The following KISS1R variants were observed in gnomAD, a reference collection of about 807,000 sequenced individuals.
KISS1R encodes kiSS-1 receptor.
Under a neutral mutation model 22.0 loss-of-function variants are expected in KISS1R, and 19 were observed. The observed-to-expected ratio is 0.86, with a 90% CI of 0.60 to 1.26. The LOEUF is 1.26. Ranked by LOEUF, KISS1R falls within the 50% of genes most tolerant of loss-of-function variation. KISS1R has a pLI of 0.00. For missense variants in KISS1R, 653 were observed against 581.9 expected, an observed-to-expected ratio of 1.12 and a Z score of -1.26; for synonymous variants, 302 against 283.9, an observed-to-expected ratio of 1.06 and a Z score of -0.64.
intron 1 of KISS1R, 109 bp from the exon 2 acceptor site, chr19:918,435 C>A: frequency 1.5e-6 from 2 of 1,352,986 alleles, no homozygotes; most frequent in Non-Finnish European, 2.0e-6. Flanking sequence ...CTGAGCCATC[C>A]TGCTGGTCAC....
At position 918,608 on chromosome 19, in the gene KISS1R, C is replaced by T. The variant is rs773834075; in HGVS notation, c.309C>T (p.Tyr103=). 1.3e-6 allele frequency: 2 copies of T among 1,551,660 alleles called. No homozygotes were observed. The highest frequency in any genetic ancestry group is 1.2e-5 in the South Asian group (1 of 84,140). The change falls in exon 2 of 5, where the codon TAC becomes TAT. Residue 103 remains tyrosine, a synonymous_variant. Coordinates refer to ENST00000234371, the MANE Select transcript of KISS1R (RefSeq NM_032551.5). ...GCGTCCCCTTCACGGCCCTGCTGTA[C>T]CCGCTGCCCGGCTGGGTGCTGGGCG... The part of the protein sequence containing the change: ...LCCVPFTALL[Y]PLPGWVLGDF...
intron 1 of KISS1R, 32 bp downstream of exon 1, chr19:917,778 C>G (rs762758059): frequency 2.5e-6 from 4 of 1,580,838 alleles, no homozygotes; most frequent in Admixed American, 3.5e-5. Flanking sequence ...CACCTGCTGC[C>G]GTCCCGGGGG....
chr19:920,572 G>C lies in KISS1R; in HGVS notation c.1021G>C (p.Ala341Pro), dbSNP rs1380813369. The C allele has an allele frequency of 6.6e-7, 1 of 1,526,318 alleles. No individual in the cohort carries two copies. Among genetic ancestry groups the C allele is most frequent in the Admixed American group, 2.1e-5 (1 of 48,554 alleles). 94.5% of individuals were successfully genotyped at this position (1,526,318 alleles called of 1,614,324 possible). The change falls in exon 5 of 5, where the codon GCG (alanine) becomes CCG (proline). Residue 341 changes from alanine (A) to proline (P), a missense_variant. Ala to Pro is a conservative substitution (Grantham distance 27, BLOSUM62 -1). Transcript: ENST00000234371. ...RQAFRRVCPC[A>P]PRRPRRPRRP... ...GGCCTTCCGCCGCGTCTGCCCCTGC[G>C]CGCCGCGCCGCCCCCGCCGCCCCCG... is the stretch of plus-strand genomic sequence containing the variant.
chr19:920,728 G>T lies in KISS1R; in HGVS notation c.1177G>T (p.Glu393Ter). 7.7e-7 allele frequency: 1 copy of T among 1,298,046 alleles called. No individual in the cohort carries two copies. The allele number at this position is 1,298,046 out of a possible 1,614,324, so 80.4% of individuals were successfully genotyped here. Residue 393 changes from glutamate (E) to a stop codon, truncating the protein, a stop_gained, in exon 5 of 5, where the codon GAG becomes TAG. Coordinates refer to ENST00000234371, the MANE Select transcript of KISS1R (RefSeq NM_032551.5). LOFTEE classifies it high-confidence loss of function. ...CGCGCGCGGGCTGTGCGTCCTGGGG[G>T]AGGACAACGCCCCTCTCTGAGCGGA... is the stretch of plus-strand genomic sequence containing the variant. Reference protein sequence around the residue: ...LAARGLCVLGEDNAPL With the variant: ...LAARGLCVLG
At position 917,589 on chromosome 19, in the gene KISS1R, C is replaced by T. The variant is rs781772963; in HGVS notation, c.87C>T (p.Ala29=). 12 of 1,544,128 alleles carry T rather than the reference C, an allele frequency of 7.8e-6. 1 individual carries two copies. The Middle Eastern group carries it at 1.8e-3, about 229-fold the overall frequency. ...GCTGCCCGGGCTGTGGCGCCAACGCCTCGGACGGCCCAGTCCCTTCGCCGC... is the reference window on the plus strand; with the variant it reads ...GCTGCCCGGGCTGTGGCGCCAACGCTTCGGACGGCCCAGTCCCTTCGCCGC... ...ASGCPGCGAN[A]SDGPVPSPRA... is the part of the protein sequence containing the mutation. The change falls in exon 1 of 5, where the codon GCC becomes GCT. Residue 29 remains alanine (A), a synonymous_variant. Coordinates refer to ENST00000234371, the MANE Select transcript of KISS1R (RefSeq NM_032551.5).
chr19:919,895 C>T lies in KISS1R; in HGVS notation c.527C>T (p.Pro176Leu), dbSNP rs568809186. The T allele has an allele frequency of 1.5e-5, 23 of 1,541,738 alleles. No homozygotes were observed. In the East Asian group the frequency reaches 5.6e-4, roughly 38 times the overall value. The stretch of plus-strand genomic sequence containing the variant: ...ACAGGCTCTGCGGCGGTGTCTGCGC[C>T]GGTGCTCGCCCTGCACCGCCTGTCA... ...IWVGSAAVSA[P>L]VLALHRLSPG... is the part of the protein sequence containing the mutation. The change falls in exon 4 of 5, where the codon CCG (proline) becomes CTG (leucine). Residue 176 changes from proline (P) to leucine (L), a missense_variant. Pro to Leu is a moderately conservative substitution (Grantham distance 98). Coordinates refer to ENST00000234371, the MANE Select transcript of KISS1R (RefSeq NM_032551.5).
At position 920,080 on chromosome 19, in the gene KISS1R, C is replaced by T. The variant is rs922334214; in HGVS notation, c.712C>T (p.Pro238Ser). 6 of 1,496,484 alleles carry T rather than the reference C, an allele frequency of 4.0e-6. No homozygotes were observed. In the African/African-American group the frequency reaches 8.5e-5, roughly 21 times the overall value. 92.7% of individuals were successfully genotyped at this position (1,496,484 alleles called of 1,614,324 possible). A position where few individuals can be genotyped will look rare whatever the true frequency, so the allele number is the denominator to read the frequency against. ...LRHLGRVAVR[P>S]APADSALQGQ... ...CCACCTGGGCCGGGTCGCCGTGCGC[C>T]CCGCGCCCGCCGATAGCGCCCTGCA... Residue 238 changes from proline to serine, a missense_variant, in exon 4 of 5, where the codon CCC becomes TCC. Pro to Ser is a moderately conservative substitution (Grantham distance 74). Coordinates refer to ENST00000234371, the MANE Select transcript of KISS1R (RefSeq NM_032551.5).
intron 1 of KISS1R, among the ~76,000 whole-genome samples, chr19:918,063 G>C (rs1251558321): frequency 6.6e-6 from 1 of 152,232 alleles, no homozygotes; most frequent in Non-Finnish European, 1.5e-5. Context: ...AAAGGGCTGG[G>C]GGAGGGGCTG....
In KISS1R at chr19:917,497, G is replaced by A; in HGVS notation, c.-6G>A. 1.4e-6 allele frequency: 2 copies of A among 1,456,118 alleles called. No individual in the cohort carries two copies. Among genetic ancestry groups the A allele is most frequent in the East Asian group, 2.8e-5 (1 of 35,914 alleles). 90.2% of individuals were successfully genotyped at this position (1,456,118 alleles called of 1,614,324 possible). ...GGGCGGCCGGGAGGAGGAGGTGCGC[G>A]CGGCCATGCACACCGTGGCTACGTC... On this transcript the variant is annotated 5_prime_UTR_variant, in exon 1 of 5. Transcript: ENST00000234371.
chr19:920,171 C>G, intron 4 of KISS1R, 65 bp downstream of exon 4: 1 of 1,479,102 alleles, frequency 6.8e-7, no homozygotes, highest in Non-Finnish European at 8.9e-7. Context: ...GTGGGAGGCG[C>G]CGGTGGGGGC....
chr19:920,268 C>G, intron 4 of KISS1R, 22 bp from the exon 5 acceptor site: 1 of 1,564,768 alleles, frequency 6.4e-7, no homozygotes, highest in Non-Finnish European at 8.6e-7. Context: ...TTCGTCTAAC[C>G]ACCTTCACGG....
chr19:920,885 G>A lies in KISS1R; in HGVS notation c.*137G>A. The A allele has an allele frequency of 9.6e-7, 1 of 1,044,736 alleles. No homozygotes were observed. Among genetic ancestry groups the A allele is most frequent in the Non-Finnish European group, 1.2e-6 (1 of 820,374 alleles). The allele number at this position is 1,044,736 out of a possible 1,614,324, so 64.7% of individuals were successfully genotyped here. On this transcript the variant is annotated 3_prime_UTR_variant, in exon 5 of 5. Transcript: ENST00000234371. The stretch of plus-strand genomic sequence containing the variant: ...ATTTTGGTCTCTTGTGACGTTCGGT[G>A]CAGTTTCGTTGTGAAGTTTGCTATT...
In KISS1R at chr19:917,645, T is replaced by C; in HGVS notation, c.143T>C (p.Phe48Ser). The C allele has an allele frequency of 6.3e-7, 1 of 1,588,828 alleles. No individual in the cohort carries two copies. Among genetic ancestry groups the C allele is most frequent in the Non-Finnish European group, 8.6e-7 (1 of 1,169,518 alleles). The change falls in exon 1 of 5, where the codon TTC becomes TCC. Residue 48 changes from phenylalanine (F) to serine (S), a missense_variant. Coordinates refer to ENST00000234371, the MANE Select transcript of KISS1R (RefSeq NM_032551.5). ...RAVDAWLVPL[F>S]FAALMLLGLV... ...GTGGACGCCTGGCTCGTGCCGCTCT[T>C]CTTCGCGGCGCTGATGCTGCTGGGC...
intron 2 of KISS1R, among the ~76,000 whole-genome samples, chr19:919,104 G>A (rs1368092298): frequency 6.6e-6 from 1 of 150,376 alleles, no homozygotes; most frequent in Non-Finnish European, 1.5e-5. Context: ...GCGGGAAGGG[G>A]CTGGGCGGTG....
At position 919,937 on chromosome 19, in the gene KISS1R, A is replaced by G; in HGVS notation, c.569A>G (p.Tyr190Cys). The G allele has an allele frequency of 1.9e-6, 3 of 1,567,090 alleles. No homozygotes were observed. Among genetic ancestry groups the G allele is most frequent in the Non-Finnish European group, 1.7e-6 (2 of 1,159,902 alleles). Residue 190 changes from tyrosine to cysteine, a missense_variant, in exon 4 of 5, where the codon TAC becomes TGC. Transcript: ENST00000234371. ...CGCCTGTCACCCGGGCCGCGCGCCT[A>G]CTGCAGTGAGGCCTTCCCCAGCCGC... is the stretch of plus-strand genomic sequence containing the variant. Reference protein sequence around the residue: ...LHRLSPGPRAYCSEAFPSRAL... With the variant: ...LHRLSPGPRACCSEAFPSRAL...
intron 1 of KISS1R, 128 bp downstream of exon 1, chr19:917,874 C>A: frequency 8.9e-7 from 1 of 1,126,794 alleles, no homozygotes; most frequent in Non-Finnish European, 1.2e-6. Flanking sequence ...AGGGGTCCCC[C>A]CCAACCTCGA....
rs2037065443 is a variant in KISS1R at position 917,492 on chromosome 19, T to C, written c.-11T>C. 3.4e-6 allele frequency: 5 copies of C among 1,449,368 alleles called. No homozygotes were observed. The highest frequency in any genetic ancestry group is 1.4e-5 in the South Asian group (1 of 72,548). The allele number at this position is 1,449,368 out of a possible 1,614,324, so 89.8% of individuals were successfully genotyped here. ...CTGGAGGGCGGCCGGGAGGAGGAGG[T>C]GCGCGCGGCCATGCACACCGTGGCT... On this transcript the variant is annotated 5_prime_UTR_variant, in exon 1 of 5. Coordinates refer to ENST00000234371, the MANE Select transcript of KISS1R (RefSeq NM_032551.5).
In KISS1R at chr19:920,530, G is replaced by T; in HGVS notation, c.979G>T (p.Gly327Cys). The part of the protein sequence containing the change: ...ALNPLLYAFL[G>C]SHFRQAFRRV... ...GAACCCGCTGCTCTACGCCTTCCTGGGCTCGCACTTCCGACAGGCCTTCCG... is the reference window on the plus strand; with the variant it reads ...GAACCCGCTGCTCTACGCCTTCCTGTGCTCGCACTTCCGACAGGCCTTCCG... Residue 327 changes from glycine to cysteine, a missense_variant, in exon 5 of 5, where the codon GGC (glycine) becomes TGC (cysteine). Transcript: ENST00000234371. 6.3e-7 allele frequency: 1 copy of T among 1,598,454 alleles called. No homozygotes were observed. The highest frequency in any genetic ancestry group is 2.3e-5 in the East Asian group (1 of 43,072).
In KISS1R at chr19:920,825, T is replaced by G; in HGVS notation, c.*77T>G. 1 of 1,231,230 alleles carries G rather than the reference T, an allele frequency of 8.1e-7. No individual in the cohort carries two copies. The allele number at this position is 1,231,230 out of a possible 1,614,324, so 76.3% of individuals were successfully genotyped here. A position where few individuals can be genotyped will look rare whatever the true frequency, so the allele number is the denominator to read the frequency against. On this transcript the variant is annotated 3_prime_UTR_variant, in exon 5 of 5. Coordinates refer to ENST00000234371, the MANE Select transcript of KISS1R (RefSeq NM_032551.5). ...ACAGCGGCTATTCTTCTGTTATTAG[T>G]ATTTTTCTTACTGTCCAAGATCAAC...
Sources: gnomAD v4.1 joint callset for allele counts (sites outside exome capture counted in the v4.1 genomes callset) on GRCh38, gnomAD v4.1.1 for gene constraint, MANE v1.5 for transcripts, NCBI Gene and HGNC (gene_info 2026-07-23, HGNC 2026-07-21) for gene names.